SLC10A7: variants seen among roughly 807,000 people sequenced by gnomAD.
The protein encoded by SLC10A7 is sodium/bile acid cotransporter 7.
In SLC10A7, 29 loss-of-function variants were observed where a neutral mutation model predicts 43.2. That is an observed-to-expected ratio of 0.67 (90% CI 0.50 to 0.92). The LOEUF is 0.92. Among genes scored for constraint, SLC10A7 ranks in the 40% least tolerant of loss-of-function variants. The probability of loss-of-function intolerance (pLI) is 0.00; values close to 1 mark genes in which losing one functional copy is unlikely to be tolerated. For synonymous variants in SLC10A7, 152 were observed against 144.8 expected (o/e 1.05, Z -0.35); for missense variants, 295 against 403.2 (o/e 0.73, Z 2.30).
intron 5 of SLC10A7, among the ~76,000 whole-genome samples, chr4:146,429,983 CA>C (rs1411963911): frequency 6.6e-6 from 1 of 151,380 alleles, no homozygotes; most frequent in African/African-American, 2.4e-5. Flanking sequence ...CTGAACTATA[CA>C]AAAAAAATCA....
chr4:146,499,820 G>A (rs1280851259), intron 4 of SLC10A7, among the ~76,000 whole-genome samples: 2 of 152,106 alleles, frequency 1.3e-5, no homozygotes, highest in East Asian at 3.8e-4. Flanking sequence ...TATTAACGTG[G>A]AACATTAATA....
chr4:146,273,465 C>T (rs1478295525), intron 10 of SLC10A7, among the ~76,000 whole-genome samples: 1 of 152,134 alleles, frequency 6.6e-6, no homozygotes, highest in Non-Finnish European at 1.5e-5. Context: ...CCTAACCCCC[C>T]TCAGTTTCCA....
At chr4:146,385,335 G>A (rs906033227) in intron 5 of SLC10A7, among the ~76,000 whole-genome samples, 3 of 152,058 alleles carry the variant, frequency 2.0e-5, no homozygotes, top group Admixed American at 2.0e-4. Context: ...TGCGGTTTTT[G>A]CCATTACTTT....
At position 146,255,193 on chromosome 4, in the gene SLC10A7, T is replaced by C. The variant is rs1414005540; in HGVS notation, c.*1298A>G. ...ACGGCATGGGGGAAACACAGAAAAG[T>C]GTTCTCGTAGTTCTATACGTGGCTT... On this transcript the variant is annotated 3_prime_UTR_variant, in exon 12 of 12. Transcript: ENST00000335472. 1 of 152,596 alleles carries C rather than the reference T, an allele frequency of 6.6e-6. No individual in the cohort carries two copies. Among genetic ancestry groups the C allele is most frequent in the Non-Finnish European group, 1.5e-5 (1 of 68,036 alleles). The allele number at this position is 152,596 out of a possible 1,614,324, so 9.5% of individuals were successfully genotyped here.
Position 146,410,587 on chromosome 4 carries a change from C to A in SLC10A7, c.435+32196G>T, listed in dbSNP as rs545390065. Among the ~76,000 whole-genome samples the A allele has an allele frequency of 4.6e-5, 7 of 152,130 alleles. No individual in the cohort carries two copies. In the South Asian group the frequency reaches 1.0e-3, roughly 23 times the overall value. On this transcript the variant is annotated intron_variant, in intron 5 of 11. Coordinates refer to ENST00000335472, the MANE Select transcript of SLC10A7 (RefSeq NM_001029998.6). ...ACATTTAGAGAAATTTGGATCAAGG[C>A]TAATAAGTTGTCCAAAGTTACCTAG...
intron 10 of SLC10A7, among the ~76,000 whole-genome samples, chr4:146,280,070 C>T (rs1300882244): frequency 6.6e-6 from 1 of 151,946 alleles, no homozygotes; most frequent in Non-Finnish European, 1.5e-5. Flanking sequence ...ACATGGTTGC[C>T]TCTTGGCCTG....
chr4:146,510,716 C>T lies in SLC10A7; in HGVS notation c.184-667G>A, dbSNP rs545871459. 8.7e-4 allele frequency among the ~76,000 whole-genome samples: 133 copies of T among 152,248 alleles called. 1 individual carries two copies. The highest frequency in any genetic ancestry group is 3.1e-3 in the African/African-American group (130 of 41,546). ...AACAACGTGCATGTATGTTTACCTACATAAAATAAGAAATCTTTTCAAAAA... is the reference window on the plus strand; with the variant it reads ...AACAACGTGCATGTATGTTTACCTATATAAAATAAGAAATCTTTTCAAAAA... On this transcript the variant is annotated intron_variant, in intron 2 of 11. Transcript: ENST00000335472.
chr4:146,402,079 T>C (rs1579093992), intron 5 of SLC10A7, among the ~76,000 whole-genome samples: 1 of 152,156 alleles, frequency 6.6e-6, no homozygotes, highest in Admixed American at 6.5e-5. Context: ...TGGTGGAGAA[T>C]AGCATCTAGA....
At chr4:146,343,410 CTCTTAAG>C (rs1160628941) in intron 5 of SLC10A7, among the ~76,000 whole-genome samples, 2 of 152,068 alleles carry the variant, frequency 1.3e-5, no homozygotes, top group East Asian at 3.9e-4. Flanking sequence ...CATCTGTGAC[CTCTTAAG>C]TCCAACATGT....
At chr4:146,360,501 C>G (rs1735967598) in intron 5 of SLC10A7, among the ~76,000 whole-genome samples, 1 of 152,008 alleles carries the variant, frequency 6.6e-6, no homozygotes, top group Admixed American at 6.6e-5. Context: ...AGTATAGTGG[C>G]ACAATCATAG....
At position 146,403,343 on chromosome 4, in the gene SLC10A7, C is replaced by T. The variant is rs555134643; in HGVS notation, c.435+39440G>A. ...GATGAAAACAGTATAAATCCATACTCCATAACCACCTATAGCACAGTCATG... is the reference window on the plus strand; with the variant it reads ...GATGAAAACAGTATAAATCCATACTTCATAACCACCTATAGCACAGTCATG... On this transcript the variant is annotated intron_variant, in intron 5 of 11. Coordinates refer to ENST00000335472, the MANE Select transcript of SLC10A7 (RefSeq NM_001029998.6). Among the ~76,000 whole-genome samples the T allele has an allele frequency of 2.1e-4, 32 of 152,256 alleles. No individual in the cohort carries two copies. In the South Asian group the frequency reaches 6.4e-3, roughly 31 times the overall value.
chr4:146,367,801 G>A (rs568300422), intron 5 of SLC10A7, among the ~76,000 whole-genome samples: 41 of 152,060 alleles, frequency 2.7e-4, no homozygotes, highest in Non-Finnish European at 4.6e-4. Flanking sequence ...TACCTTACCA[G>A]TATGTCTAAT....
chr4:146,451,243 A>AAAC (rs1731574505), intron 4 of SLC10A7, among the ~76,000 whole-genome samples: 1 of 148,770 alleles, frequency 6.7e-6, no homozygotes, highest in African/African-American at 2.5e-5. Context: ...AAAAAAAAAA[A>AAAC]AAAAAAACAA....
At chr4:146,376,047 T>C (rs1737176218) in intron 5 of SLC10A7, among the ~76,000 whole-genome samples, 1 of 152,154 alleles carries the variant, frequency 6.6e-6, no homozygotes, top group South Asian at 2.1e-4. Flanking sequence ...ACCCATTTAC[T>C]GTACAGGATA....
At chr4:146,496,110 T>G (rs1421476075) in intron 4 of SLC10A7, among the ~76,000 whole-genome samples, 2 of 152,170 alleles carry the variant, frequency 1.3e-5, no homozygotes, top group African/African-American at 4.8e-5. Context: ...GTACATTTTG[T>G]TTTTTTCTAC....
chr4:146,322,702 A>G (rs1222020706), intron 6 of SLC10A7, among the ~76,000 whole-genome samples: 1 of 152,126 alleles, frequency 6.6e-6, no homozygotes, highest in African/African-American at 2.4e-5. Flanking sequence ...GTGTCTTTAT[A>G]GCAGCATGAT....
intron 5 of SLC10A7, among the ~76,000 whole-genome samples, chr4:146,440,447 T>G (rs1288694700): frequency 1.3e-5 from 2 of 152,148 alleles, no homozygotes; most frequent in Non-Finnish European, 2.9e-5. Context: ...GAAAACTGCA[T>G]GCTGCAGATG....
chr4:146,439,177 C>A (rs550743147), intron 5 of SLC10A7, among the ~76,000 whole-genome samples: 4 of 152,064 alleles, frequency 2.6e-5, no homozygotes, highest in African/African-American at 9.6e-5. Flanking sequence ...ATTCACCTAT[C>A]ATTAGTTATT....
chr4:146,473,325 T>C (rs1733744799), intron 4 of SLC10A7, among the ~76,000 whole-genome samples: 1 of 152,242 alleles, frequency 6.6e-6, no homozygotes, highest in Non-Finnish European at 1.5e-5. Context: ...TGCTTTTTAC[T>C]GTTTGCATGT....
Sources: allele counts gnomAD v4.1 joint callset (sites outside exome capture counted in the v4.1 genomes callset), GRCh38; gene constraint gnomAD v4.1.1; transcripts MANE v1.5; gene names NCBI Gene and HGNC (gene_info 2026-07-23, HGNC 2026-07-21).